Variants in ZBTB20 observed in about 807,000 individuals in gnomAD.
ZBTB20 encodes the protein zinc finger and BTB domain-containing protein 20.
Under a neutral mutation model 56.9 loss-of-function variants are expected in ZBTB20, and 9 were observed. That is an observed-to-expected ratio of 0.16 (90% CI 0.10 to 0.28). The LOEUF is 0.28. ZBTB20 is among the 10% of genes least tolerant of loss of function. The probability of loss-of-function intolerance (pLI) is 1.00; values close to 1 mark genes in which losing one functional copy is unlikely to be tolerated. For missense variants in ZBTB20, 655 were observed against 1,003.0 expected, an observed-to-expected ratio of 0.65 and a Z score of 4.69; for synonymous variants, 417 against 420.7, an observed-to-expected ratio of 0.99 and a Z score of 0.11.
At chr3:114,763,975 A>ATTTT (rs1427920732) in intron 5 of ZBTB20, among the ~76,000 whole-genome samples, 1 of 152,244 alleles carries the variant, frequency 6.6e-6, no homozygotes, top group Middle Eastern at 3.2e-3. Context: ...AAGGAAGACT[A>ATTTT]TTAAAAGACA....
chr3:115,007,102 CAA>C lies in ZBTB20; in HGVS notation c.-506-32688_-506-32687del, dbSNP rs560591056. ...ATATTTCTTTCTACTTCTCATTGTG[CAA>C]AGTCTGTTCTTTCATTAAGACACTG... is the stretch of plus-strand genomic sequence containing the variant. On this transcript the variant is annotated intron_variant, in intron 2 of 11. Transcript: ENST00000675478. Among the ~76,000 whole-genome samples, 58 of 151,862 alleles carry C rather than the reference CAA, an allele frequency of 3.8e-4. 2 individuals are homozygous for C. The South Asian group carries it at 0.01, about 27-fold the overall frequency.
chr3:114,594,666 T>G (rs1054422977), intron 6 of ZBTB20, among the ~76,000 whole-genome samples: 4 of 152,118 alleles, frequency 2.6e-5, no homozygotes. Flanking sequence ...AGTCATAAAA[T>G]TCTGAATCCA....
chr3:115,013,922 G>GTT (rs2079832189), intron 2 of ZBTB20, among the ~76,000 whole-genome samples: 1 of 151,438 alleles, frequency 6.6e-6, no homozygotes, highest in Non-Finnish European at 1.5e-5. Context: ...GTGTGTGTGT[G>GTT]TGTGTGTGTG....
Position 114,380,326 on chromosome 3 carries a change from C to A in ZBTB20, c.90G>T (p.Lys30Asn). 2 of 1,537,216 alleles carry A rather than the reference C, an allele frequency of 1.3e-6. No individual in the cohort carries two copies. The highest frequency in any genetic ancestry group is 1.7e-4 in the Middle Eastern group (1 of 5,988). ...EITQPGGSSA[K>N]PGLPCLNFEA... The stretch of plus-strand genomic sequence containing the variant: ...CAAAGTTCAGGCAGGGAAGGCCCGG[C>A]TTGGCGCTGGATCCACCCGGCTGAG... Residue 30 changes from lysine (K) to asparagine (N), a missense_variant, in exon 10 of 12, where the codon AAG becomes AAT. Transcript: ENST00000675478.
intron 1 of ZBTB20, among the ~76,000 whole-genome samples, chr3:115,092,147 G>T (rs779060091): frequency 2.0e-5 from 3 of 152,086 alleles, no homozygotes; most frequent in Non-Finnish European, 4.4e-5. Context: ...TTTTTCTTGG[G>T]TAATAAGAAA....
At chr3:115,125,305 T>A (rs1384841793) in intron 1 of ZBTB20, among the ~76,000 whole-genome samples, 1 of 150,466 alleles carries the variant, frequency 6.6e-6, no homozygotes, top group Non-Finnish European at 1.5e-5. Flanking sequence ...ATTGTGTCAC[T>A]GCACTGCAGC....
At chr3:114,683,132 C>G (rs1362457372) in intron 6 of ZBTB20, among the ~76,000 whole-genome samples, 2 of 152,070 alleles carry the variant, frequency 1.3e-5, no homozygotes, top group Admixed American at 1.3e-4. Flanking sequence ...ATTAAGGTAC[C>G]TTTTGCTGGA....
At chr3:114,438,441 A>AAAAAC (rs1239595567) in intron 7 of ZBTB20, among the ~76,000 whole-genome samples, 1 of 151,842 alleles carries the variant, frequency 6.6e-6, no homozygotes, top group Non-Finnish European at 1.5e-5. Flanking sequence ...AAAACCAAAA[A>AAAAAC]AAAACAAAAC....
chr3:114,961,497 T>A (rs992534574), intron 3 of ZBTB20, among the ~76,000 whole-genome samples: 5 of 152,076 alleles, frequency 3.3e-5, no homozygotes, highest in African/African-American at 9.7e-5. Flanking sequence ...TTGTTTCACA[T>A]GATAAAACAA....
At chr3:114,491,878 G>A (rs1261507307) in intron 7 of ZBTB20, among the ~76,000 whole-genome samples, 3 of 151,936 alleles carry the variant, frequency 2.0e-5, no homozygotes, top group Admixed American at 6.6e-5. Context: ...TTACAAACAC[G>A]TTATTGTTTT....
chr3:115,060,155 A>T (rs1405195284), intron 2 of ZBTB20, among the ~76,000 whole-genome samples: 1 of 152,136 alleles, frequency 6.6e-6, no homozygotes, highest in Non-Finnish European at 1.5e-5. Flanking sequence ...CATCTTCTTG[A>T]TTCTATTTTT....
At chr3:114,439,154 C>G (rs2090741276) in intron 7 of ZBTB20, among the ~76,000 whole-genome samples, 1 of 152,024 alleles carries the variant, frequency 6.6e-6, no homozygotes, top group Admixed American at 6.6e-5. Context: ...TCTGGGAATT[C>G]AAACATATTT....
At chr3:114,981,121 T>A (rs1437682557) in intron 2 of ZBTB20, among the ~76,000 whole-genome samples, 1 of 152,036 alleles carries the variant, frequency 6.6e-6, no homozygotes, top group Non-Finnish European at 1.5e-5. Flanking sequence ...AAAGTGCATA[T>A]GATCACGAAA....
rs554871052 is a variant in ZBTB20 at position 114,373,535 on chromosome 3, T to C, written c.199+6682A>G. ...CTTCTGCCTGGAATGCCATTACTTC[T>C]GCCTTCTACTTTACAAATGCCCACT... On this transcript the variant is annotated intron_variant, in intron 10 of 11. Coordinates refer to ENST00000675478, the MANE Select transcript of ZBTB20 (RefSeq NM_001348800.3). 3.0e-4 allele frequency among the ~76,000 whole-genome samples: 46 copies of C among 152,356 alleles called. No individual in the cohort carries two copies. In the South Asian group the frequency reaches 7.9e-3, roughly 26 times the overall value.
chr3:115,049,205 G>A (rs1053593299), intron 2 of ZBTB20, among the ~76,000 whole-genome samples: 2 of 152,112 alleles, frequency 1.3e-5, no homozygotes. Flanking sequence ...TATATAGAGA[G>A]AGGAATTATC....
chr3:114,620,543 C>T lies in ZBTB20; in HGVS notation c.-295+72985G>A, dbSNP rs189163387. Among the ~76,000 whole-genome samples, 370 of 152,256 alleles carry T rather than the reference C, an allele frequency of 2.4e-3. 3 individuals carry two copies. Among genetic ancestry groups the T allele is most frequent in the African/African-American group, 8.4e-3 (351 of 41,560 alleles). ...CTGACCTCAGGTGATCCGCCCGCCT[C>T]GGCCTCCCAAAGTGCTGGGATTACA... On this transcript the variant is annotated intron_variant, in intron 6 of 11. Coordinates refer to ENST00000675478, the MANE Select transcript of ZBTB20 (RefSeq NM_001348800.3).
At chr3:114,375,115 T>C (rs1200797626) in intron 10 of ZBTB20, among the ~76,000 whole-genome samples, 2 of 152,128 alleles carry the variant, frequency 1.3e-5, no homozygotes, top group African/African-American at 4.8e-5. Context: ...CAAAAAGAAA[T>C]ACACAACAGG....
At chr3:114,800,970 C>A (rs924589488) in intron 5 of ZBTB20, 131 bp downstream of exon 5, 3 of 151,460 alleles carry the variant, frequency 2.0e-5, no homozygotes, top group African/African-American at 7.3e-5. Context: ...AGAAGAAAAT[C>A]ATTTAAACAT....
At chr3:115,005,635 A>G (rs2079433016) in intron 2 of ZBTB20, among the ~76,000 whole-genome samples, 1 of 151,848 alleles carries the variant, frequency 6.6e-6, no homozygotes, top group Non-Finnish European at 1.5e-5. Context: ...AGAACCAAAG[A>G]GAGAGAGTAG....
Sources: gnomAD v4.1 joint callset for allele counts (sites outside exome capture counted in the v4.1 genomes callset) on GRCh38, gnomAD v4.1.1 for gene constraint, MANE v1.5 for transcripts, NCBI Gene and HGNC (gene_info 2026-07-23, HGNC 2026-07-21) for gene names.